The following LDB2 variants were observed in gnomAD, a reference collection of about 807,000 sequenced individuals.
LDB2 encodes LIM domain binding 2.
A neutral mutation model predicts 44.3 loss-of-function variants in LDB2; 12 were observed. The ratio of observed to expected loss-of-function variants is 0.27; its 90% confidence interval spans 0.17 to 0.44. LDB2 has a LOEUF of 0.44. Ranked by LOEUF, LDB2 falls within the 20% of genes least tolerant of loss-of-function variation. LDB2 has a pLI of 1.00. For synonymous variants in LDB2, 164 were observed against 174.8 expected (o/e 0.94, Z 0.49); for missense variants, 344 against 473.5 (o/e 0.73, Z 2.54).
rs1717876403 is a variant in LDB2, at chr4:16,502,848, G to A, written c.917C>T (p.Thr306Ile). The change falls in exon 8 of 8, where the codon ACT becomes ATT. Residue 306 changes from threonine (T) to isoleucine (I), a missense_variant. Around this residue, in one of 3 missense-constraint regions of LDB2, gnomAD observed 86 missense variants for 171.2 expected, o/e 0.50. Coordinates refer to ENST00000304523, the MANE Select transcript of LDB2 (RefSeq NM_001290.5). ...VPDVMVVGEP[T>I]LMGGEFGDED... is the part of the protein sequence containing the mutation. ...GTCCCCAAACTCACCTCCCATCAGA[G>A]TTGGCTCTCCTACCACCATCACATC... The A allele has an allele frequency of 6.2e-7, 1 of 1,614,068 alleles. No homozygotes were observed.
intron 1 of LDB2, among the ~76,000 whole-genome samples, chr4:16,860,587 G>C (rs980516632): frequency 2.6e-5 from 4 of 152,120 alleles, no homozygotes; most frequent in Admixed American, 6.5e-5. Context: ...AATATCTCTG[G>C]TCCAGGTTTG....
chr4:16,668,362 T>G (rs1033108906), intron 2 of LDB2, among the ~76,000 whole-genome samples: 22 of 152,126 alleles, frequency 1.4e-4, no homozygotes, highest in Non-Finnish European at 2.6e-4. Flanking sequence ...TTGGCTGGAG[T>G]TCTGCCCTCT....
chr4:16,765,140 G>A (rs1210467122), intron 1 of LDB2, among the ~76,000 whole-genome samples: 2 of 152,292 alleles, frequency 1.3e-5, no homozygotes, highest in African/African-American at 2.4e-5. Context: ...TGGGTGGCAC[G>A]CACATCTGGG....
intron 2 of LDB2, among the ~76,000 whole-genome samples, chr4:16,734,022 T>C (rs1387650296): frequency 6.6e-6 from 1 of 152,196 alleles, no homozygotes; most frequent in African/African-American, 2.4e-5. Context: ...GAGTTTGTAT[T>C]CAACAATAAA....
intron 2 of LDB2, among the ~76,000 whole-genome samples, chr4:16,641,437 T>C (rs955941517): frequency 1.3e-5 from 2 of 152,158 alleles, no homozygotes; most frequent in Non-Finnish European, 2.9e-5. Context: ...AATTGGCTCA[T>C]GGCTCTGCAG....
intron 1 of LDB2, among the ~76,000 whole-genome samples, chr4:16,855,680 G>A (rs148734298): frequency 1.4e-4 from 21 of 152,060 alleles, no homozygotes; most frequent in Non-Finnish European, 2.5e-4. Context: ...AGTTATATCT[G>A]CCTATGTGAG....
chr4:16,798,691 C>T (rs1777192338), intron 1 of LDB2, among the ~76,000 whole-genome samples: 1 of 152,164 alleles, frequency 6.6e-6, no homozygotes, highest in South Asian at 2.1e-4. Flanking sequence ...ACAGAATCTG[C>T]CCCTGAAATG....
At chr4:16,623,336 G>A (rs28496094) in intron 2 of LDB2, among the ~76,000 whole-genome samples, 7,718 of 152,214 alleles carry the variant, frequency 0.051, 657 homozygotes, top group African/African-American at 0.17. Context: ...AGTGGCTCAC[G>A]CCTGTAATCC....
intron 2 of LDB2, among the ~76,000 whole-genome samples, chr4:16,633,108 TA>T (rs1195486051): frequency 1.3e-5 from 2 of 151,980 alleles, no homozygotes; most frequent in Admixed American, 1.3e-4. Context: ...TACGCAGCCA[TA>T]AAAAAGGATG....
At chr4:16,767,599 A>G (rs914799008) in intron 1 of LDB2, among the ~76,000 whole-genome samples, 3 of 152,202 alleles carry the variant, frequency 2.0e-5, no homozygotes, top group Admixed American at 1.3e-4. Flanking sequence ...GAATATTAAT[A>G]AGTAAAAAGT....
chr4:16,833,978 C>G (rs1394577794), intron 1 of LDB2, among the ~76,000 whole-genome samples: 1 of 152,238 alleles, frequency 6.6e-6, no homozygotes, highest in Non-Finnish European at 1.5e-5. Flanking sequence ...ATGGTTCACT[C>G]TCTTACTTCA....
chr4:16,740,499 C>T (rs1358019657), intron 2 of LDB2, among the ~76,000 whole-genome samples: 1 of 152,200 alleles, frequency 6.6e-6, no homozygotes, highest in Admixed American at 6.5e-5. Context: ...TTTTGATTGT[C>T]CCTCCATATC....
At position 16,582,232 on chromosome 4, in the gene LDB2, CAAAG is replaced by C. The variant is rs1432990393; in HGVS notation, c.615+3686_615+3689del. Among the ~76,000 whole-genome samples, 1 of 152,098 alleles carries C rather than the reference CAAAG, an allele frequency of 6.6e-6. No individual in the cohort carries two copies. The highest frequency in any genetic ancestry group is 1.5e-5 in the Non-Finnish European group (1 of 68,006). On this transcript the variant is annotated intron_variant, in intron 5 of 7. Transcript: ENST00000304523. The surrounding 1 kb of genome is among the most constrained non-coding windows in gnomAD (Gnocchi z 4.8). The stretch of plus-strand genomic sequence containing the variant: ...TCACCTTGAGGGCATAAACCTGGCA[CAAAG>C]AAAGTGTGTCAGAAATGCTTGTGAA...
At chr4:16,841,894 C>T (rs1012898595) in intron 1 of LDB2, among the ~76,000 whole-genome samples, 9 of 152,178 alleles carry the variant, frequency 5.9e-5, no homozygotes, top group Non-Finnish European at 1.0e-4. Context: ...ATGTCAAATG[C>T]ATATGATGCA....
chr4:16,896,789 T>G (rs1725146988), intron 1 of LDB2, among the ~76,000 whole-genome samples: 1 of 152,216 alleles, frequency 6.6e-6, no homozygotes, highest in South Asian at 2.1e-4. Context: ...CAATGGTTTA[T>G]GCAGAGATTT....
intron 2 of LDB2, among the ~76,000 whole-genome samples, chr4:16,698,792 A>G: frequency 6.6e-6 from 1 of 152,140 alleles, no homozygotes; most frequent in Non-Finnish European, 1.5e-5. Context: ...ATTTTTCTTC[A>G]TGGTTCCTAC....
chr4:16,815,615 T>C (rs1780751904), intron 1 of LDB2, among the ~76,000 whole-genome samples: 1 of 152,162 alleles, frequency 6.6e-6, no homozygotes, highest in African/African-American at 2.4e-5. Flanking sequence ...CCTCTCCTCT[T>C]CCTACCTACA....
intron 1 of LDB2, among the ~76,000 whole-genome samples, chr4:16,894,999 A>AT (rs971089202): frequency 2.0e-5 from 3 of 151,246 alleles, no homozygotes; most frequent in South Asian, 2.1e-4. Context: ...TGTTTATGGT[A>AT]TTTTTTTTAA....
chr4:16,723,011 T>C (rs1560999362), intron 2 of LDB2, among the ~76,000 whole-genome samples: 1 of 152,208 alleles, frequency 6.6e-6, no homozygotes, highest in Non-Finnish European at 1.5e-5. Context: ...ATTTTTGGCT[T>C]ACAGTGTACT....
Sources: allele counts gnomAD v4.1 joint callset (sites outside exome capture counted in the v4.1 genomes callset), GRCh38; gene constraint gnomAD v4.1.1; regional missense constraint gnomAD v4.1.1; non-coding constraint Gnocchi (gnomAD v3.1); transcripts MANE v1.5; gene names NCBI Gene and HGNC (gene_info 2026-07-23, HGNC 2026-07-21).